The following ABCG1 variants were observed in gnomAD, a reference collection of about 807,000 sequenced individuals.
ABCG1 encodes ATP-binding cassette sub-family G member 1.
Under a neutral mutation model 69.2 loss-of-function variants are expected in ABCG1, and 29 were observed. The ratio of observed to expected loss-of-function variants is 0.42; its 90% confidence interval spans 0.31 to 0.57. ABCG1 has a LOEUF of 0.57. Among genes scored for constraint, ABCG1 ranks in the 20% least tolerant of loss-of-function variants. ABCG1 has a pLI of 0.15. For synonymous variants in ABCG1, 370 were observed against 374.8 expected, an observed-to-expected ratio of 0.99 and a Z score of 0.15; for missense variants, 718 against 898.1, an observed-to-expected ratio of 0.80 and a Z score of 2.56.
chr21:42,207,766 T>C (rs1243132980), intron 2 of ABCG1, among the ~76,000 whole-genome samples: 1 of 152,234 alleles, frequency 6.6e-6, no homozygotes, highest in Non-Finnish European at 1.5e-5. Flanking sequence ...CCATTTGGCC[T>C]CTACTGATAC....
rs148310406 is a variant in ABCG1, at chr21:42,223,796, C to G, written c.43-1875C>G. On this transcript the variant is annotated intron_variant, in intron 1 of 14. Transcript: ENST00000398449. ...TGAGTCTAGCAGAGAAAGTCAGGGT[C>G]TCATGATAATGTAGATGGGTGGTGT... Among the ~76,000 whole-genome samples the G allele has an allele frequency of 4.3e-3, 656 of 152,284 alleles. 3 individuals carry two copies. The highest frequency in any genetic ancestry group is 0.015 in the African/African-American group (636 of 41,534).
At position 42,219,419 on chromosome 21, in the gene ABCG1, G is replaced by A; in HGVS notation, c.42+115G>A. On this transcript the variant is annotated intron_variant, in intron 1 of 14. Coordinates refer to ENST00000398449, the MANE Select transcript of ABCG1 (RefSeq NM_016818.3). This position sits in a 1 kb window ranked among gnomAD's most constrained non-coding sequence, Gnocchi z 5.3. ...CCCCTCCCAGGAGCGCGTCCTCTGG[G>A]CGCTGACCCAGGGCACCCTAGAGTG... 2 of 1,427,544 alleles carry A rather than the reference G, an allele frequency of 1.4e-6. No homozygotes were observed. Among genetic ancestry groups the A allele is most frequent in the Admixed American group, 4.9e-5 (2 of 40,608 alleles). The allele number at this position is 1,427,544 out of a possible 1,614,324, so 88.4% of individuals were successfully genotyped here.
chr21:42,248,902 C>CAAAA (rs71332356), intron 2 of ABCG1, among the ~76,000 whole-genome samples: 66 of 90,994 alleles, frequency 7.3e-4, no homozygotes, highest in African/African-American at 1.5e-3. Flanking sequence ...AGACCTCTCT[C>CAAAA]AAAAAAAAAA....
chr21:42,253,508 A>G (rs2068255736), intron 2 of ABCG1, among the ~76,000 whole-genome samples: 1 of 152,192 alleles, frequency 6.6e-6, no homozygotes, highest in African/African-American at 2.4e-5. Flanking sequence ...GGCCAGACCC[A>G]TCTGGCAGAG....
intron 2 of ABCG1, among the ~76,000 whole-genome samples, chr21:42,263,897 C>G (rs1477819736): frequency 6.6e-6 from 1 of 152,228 alleles, no homozygotes; most frequent in Admixed American, 6.5e-5. Context: ...GGATGTTGCT[C>G]AAGGTTCATT....
At position 42,297,140 on chromosome 21, in the gene ABCG1, A is replaced by G. The variant is rs183102397; in HGVS notation, c.*748A>G. 1.3e-5 allele frequency: 2 copies of G among 152,356 alleles called. No homozygotes were observed. Among genetic ancestry groups the G allele is most frequent in the African/African-American group, 4.8e-5 (2 of 41,570 alleles). 9.4% of individuals were successfully genotyped at this position (152,356 alleles called of 1,614,324 possible). ...ACTGAGCCATGCAGACATTTTTAAA[A>G]GCTATACAAAAAATTGTGAGAAGAC... On this transcript the variant is annotated 3_prime_UTR_variant, in exon 15 of 15. Coordinates refer to ENST00000398449, the MANE Select transcript of ABCG1 (RefSeq NM_016818.3).
chr21:42,272,568 T>C (rs2068634943), intron 3 of ABCG1, among the ~76,000 whole-genome samples: 1 of 152,252 alleles, frequency 6.6e-6, no homozygotes. Flanking sequence ...CTAGAGAGAC[T>C]GGATCCTTAG....
intron 2 of ABCG1, among the ~76,000 whole-genome samples, chr21:42,257,998 CT>C: frequency 8.2e-5 from 11 of 133,528 alleles, no homozygotes; most frequent in Admixed American, 2.2e-4. Context: ...TCCATCCTTC[CT>C]CCCATTTCCC....
At chr21:42,274,662 A>G (rs1044538468) in intron 4 of ABCG1, among the ~76,000 whole-genome samples, 3 of 151,798 alleles carry the variant, frequency 2.0e-5, no homozygotes, top group Non-Finnish European at 4.4e-5. Context: ...TTTGGTAGAG[A>G]TGGGGTTTCA....
At chr21:42,290,330 G>T in intron 11 of ABCG1, 112 bp downstream of exon 11, 1 of 1,280,086 alleles carries the variant, frequency 7.8e-7, no homozygotes, top group Non-Finnish European at 1.1e-6. Flanking sequence ...CAATGTTTTT[G>T]TTTTTTTAAA....
rs1601342342 is a variant in ABCG1, at chr21:42,219,246, G to GCCGCCGCCC, written c.-13_-5dup. On this transcript the variant is annotated 5_prime_UTR_variant, in exon 1 of 15. Transcript: ENST00000398449. The surrounding 1 kb of genome is among the most constrained non-coding windows in gnomAD (Gnocchi z 5.3). ...CCCCGCCGCCGCCGCCGCCGCCGCC[G>GCCGCCGCCC]CCGCCGCCCCCGGGGCATGGCCTGT... 6.5e-7 allele frequency: 1 copy of GCCGCCGCCC among 1,533,600 alleles called. No homozygotes were observed. 95.0% of individuals were successfully genotyped at this position (1,533,600 alleles called of 1,614,324 possible). A position where few individuals can be genotyped will look rare whatever the true frequency, so the allele number is the denominator to read the frequency against.
At chr21:42,241,236 T>G (rs2068046764) in intron 2 of ABCG1, among the ~76,000 whole-genome samples, 1 of 152,242 alleles carries the variant, frequency 6.6e-6, no homozygotes, top group African/African-American at 2.4e-5. Context: ...AAAAGCCAAG[T>G]GCACAGTGGA....
chr21:42,256,585 G>T, intron 2 of ABCG1: 1 of 1,526,070 alleles, frequency 6.6e-7, no homozygotes, highest in Non-Finnish European at 8.9e-7. Flanking sequence ...CCCATGAAGA[G>T]AAAGCAGTTC....
At chr21:42,213,725 G>A (rs2067611671), upstream of ABCG1, among the ~76,000 whole-genome samples, 3 of 152,280 alleles carry the variant, frequency 2.0e-5, no homozygotes, top group South Asian at 6.2e-4. Flanking sequence ...TGGAGTCAAA[G>A]AAGATATAAT....
Position 42,291,525 on chromosome 21 carries a change from A to T in ABCG1, c.1522A>T (p.Ile508Phe). 6.2e-7 allele frequency: 1 copy of T among 1,613,630 alleles called. No individual in the cohort carries two copies. The highest frequency in any genetic ancestry group is 8.5e-7 in the Non-Finnish European group (1 of 1,179,758). ...QIMFPVAYCSIVYWMTSQPSD... is the reference protein window; with the variant it reads ...QIMFPVAYCSFVYWMTSQPSD... ...CATGTTCCCAGTGGCCTACTGCAGCATCGTGTACTGGATGACGTCGCAGCC... is the reference window on the plus strand; with the variant it reads ...CATGTTCCCAGTGGCCTACTGCAGCTTCGTGTACTGGATGACGTCGCAGCC... The change falls in exon 13 of 15, where the codon ATC becomes TTC. Residue 508 changes from isoleucine to phenylalanine, a missense_variant. Coordinates refer to ENST00000398449, the MANE Select transcript of ABCG1 (RefSeq NM_016818.3). This position sits in a 1 kb window ranked among gnomAD's most constrained non-coding sequence, Gnocchi z 6.4.
rs373885762 is a variant in ABCG1 at position 42,288,024 on chromosome 21, G to A, written c.1109G>A (p.Arg370Gln). The A allele has an allele frequency of 3.7e-5, 60 of 1,610,986 alleles. No individual in the cohort carries two copies. Among genetic ancestry groups the A allele is most frequent in the East Asian group, 1.6e-4 (7 of 44,784 alleles). ...GAGGTGAACCCTTTTCTTTGGCACC[G>A]GCCCTCTGAAGAGGTAAAGCAGACA... ...DAEVNPFLWHRPSEEDSSSME... is the reference protein window; with the variant it reads ...DAEVNPFLWHQPSEEDSSSME... The change falls in exon 9 of 15, where the codon CGG becomes CAG. Residue 370 changes from arginine (R) to glutamine (Q), a missense_variant. By Grantham distance (43) the Arg-to-Gln change is conservative. Around this residue, in one of 2 missense-constraint regions of ABCG1, gnomAD observed 514 missense variants for 574.3 expected, o/e 0.90. Transcript: ENST00000398449. The surrounding 1 kb of genome is among the most constrained non-coding windows in gnomAD (Gnocchi z 4.8).
At position 42,291,857 on chromosome 21, in the gene ABCG1, C is replaced by A. The variant is rs73364640; in HGVS notation, c.1653+201C>A. 1.1e-3 allele frequency among the ~76,000 whole-genome samples: 165 copies of A among 152,314 alleles called. No homozygotes were observed. The highest frequency in any genetic ancestry group is 3.8e-3 in the African/African-American group (156 of 41,570). On this transcript the variant is annotated intron_variant, in intron 13 of 14. Transcript: ENST00000398449. The surrounding 1 kb of genome is among the most constrained non-coding windows in gnomAD (Gnocchi z 6.4). ...ACAGTGCGCACAGCGGGCAGCCTCACGTGTGCTGACTGCGTGCTGGGCGCT... is the reference window on the plus strand; with the variant it reads ...ACAGTGCGCACAGCGGGCAGCCTCAAGTGTGCTGACTGCGTGCTGGGCGCT...
chr21:42,292,866 A>G (rs2069096685), intron 13 of ABCG1, among the ~76,000 whole-genome samples: 1 of 134,346 alleles, frequency 7.4e-6, no homozygotes, highest in Non-Finnish European at 1.6e-5. Flanking sequence ...ACACCACACT[A>G]CACACTACCC....
rs557035682 is a variant in ABCG1 at position 42,273,603 on chromosome 21, G to T, written c.537+168G>T. Among the ~76,000 whole-genome samples, 1 of 152,154 alleles carries T rather than the reference G, an allele frequency of 6.6e-6. No homozygotes were observed. The highest frequency in any genetic ancestry group is 2.4e-5 in the African/African-American group (1 of 41,418). On this transcript the variant is annotated intron_variant, in intron 4 of 14. Coordinates refer to ENST00000398449, the MANE Select transcript of ABCG1 (RefSeq NM_016818.3). This position sits in a 1 kb window ranked among gnomAD's most constrained non-coding sequence, Gnocchi z 5.3. The stretch of plus-strand genomic sequence containing the variant: ...CTAGCGGAGTTCTAACACCAGACTC[G>T]CTGTTGGGACAGGCAGCATCATCCC...
Sources: allele counts gnomAD v4.1 joint callset (sites outside exome capture counted in the v4.1 genomes callset), GRCh38; gene constraint gnomAD v4.1.1; regional missense constraint gnomAD v4.1.1; non-coding constraint Gnocchi (gnomAD v3.1); transcripts MANE v1.5; gene names NCBI Gene and HGNC (gene_info 2026-07-23, HGNC 2026-07-21).